Variants in ZNF512 observed in about 807,000 individuals in gnomAD.
ZNF512 encodes zinc finger protein 512.
A neutral mutation model predicts 77.5 loss-of-function variants in ZNF512; 25 were observed. The observed-to-expected ratio is 0.32, with a 90% CI of 0.23 to 0.45. The LOEUF (loss-of-function observed/expected upper bound fraction) is 0.45, where lower values mean the gene tolerates loss of function less well. Ranked by LOEUF, ZNF512 falls within the 20% of genes least tolerant of loss-of-function variation. ZNF512 has a pLI of 1.00. For missense variants in ZNF512, 483 were observed against 692.6 expected (o/e 0.70, Z 3.40); for synonymous variants, 246 against 239.9 (o/e 1.03, Z -0.24).
Position 27,598,056 on chromosome 2 carries a change from T to C in ZNF512, c.90-11T>C. ...CCTTCCTTTGTGGTATATATTTTTA[T>C]GTTGTATTAGTAGCAGGACCCAGTG... is the stretch of plus-strand genomic sequence containing the variant. On this transcript the variant is annotated splice_polypyrimidine_tract_variant and intron_variant, in intron 2 of 13. Coordinates refer to ENST00000355467, the MANE Select transcript of ZNF512 (RefSeq NM_032434.4). 6.6e-7 allele frequency: 1 copy of C among 1,513,648 alleles called. No homozygotes were observed. Among genetic ancestry groups the C allele is most frequent in the South Asian group, 1.4e-5 (1 of 73,274 alleles). 93.8% of individuals were successfully genotyped at this position (1,513,648 alleles called of 1,614,324 possible).
At chr2:27,617,352 T>C (rs1572937264) in intron 12 of ZNF512, 121 bp from the exon 13 acceptor site, 3 of 637,602 alleles carry the variant, frequency 4.7e-6, no homozygotes, top group East Asian at 2.7e-5. Flanking sequence ...ATTGGATCTT[T>C]TTCCTTCTTA....
chr2:27,605,183 A>G (rs1054450741), intron 9 of ZNF512, among the ~76,000 whole-genome samples: 9 of 151,946 alleles, frequency 5.9e-5, no homozygotes, highest in Non-Finnish European at 7.4e-5. Context: ...GCTGGGCACA[A>G]TGACTCATGC....
At position 27,602,577 on chromosome 2, in the gene ZNF512, C is replaced by T; in HGVS notation, c.768+16C>T. 6.3e-7 allele frequency: 1 copy of T among 1,594,688 alleles called. No homozygotes were observed. Among genetic ancestry groups the T allele is most frequent in the Non-Finnish European group, 8.5e-7 (1 of 1,172,694 alleles). On this transcript the variant is annotated intron_variant, in intron 8 of 13. Transcript: ENST00000355467. Reference sequence around the variant, plus strand: ...CATGCGTGAGGTAAGGGCCCAAGGACAGCAATTCCTTCTGCCTGAATTCTC... The same window carrying T: ...CATGCGTGAGGTAAGGGCCCAAGGATAGCAATTCCTTCTGCCTGAATTCTC...
At chr2:27,588,006 A>G (rs1671415577) in intron 2 of ZNF512, among the ~76,000 whole-genome samples, 3 of 151,826 alleles carry the variant, frequency 2.0e-5, no homozygotes, top group Admixed American at 2.0e-4. Flanking sequence ...CTTATTGGCC[A>G]TTTGTGTGTC....
intron 2 of ZNF512, among the ~76,000 whole-genome samples, chr2:27,590,375 C>T (rs1020608933): frequency 1.1e-4 from 16 of 152,042 alleles, no homozygotes; most frequent in African/African-American, 3.6e-4. Context: ...GTCATTCCAG[C>T]CTTATGTTTG....
chr2:27,615,097 G>T, intron 10 of ZNF512, 71 bp from the exon 11 acceptor site: 1 of 850,040 alleles, frequency 1.2e-6, no homozygotes, highest in Non-Finnish European at 1.9e-6. Flanking sequence ...AAAGAGTTGG[G>T]TGTGAAACTT....
chr2:27,592,600 C>A (rs898134923), intron 2 of ZNF512, among the ~76,000 whole-genome samples: 4 of 151,334 alleles, frequency 2.6e-5, no homozygotes, highest in Non-Finnish European at 5.9e-5. Flanking sequence ...CAGGTGTGAG[C>A]CACCATGCCT....
chr2:27,587,540 G>A (rs541163608), intron 2 of ZNF512, among the ~76,000 whole-genome samples: 14 of 151,794 alleles, frequency 9.2e-5, no homozygotes, highest in Non-Finnish European at 1.8e-4. Context: ...GCCTCCCAAA[G>A]TGCTGGGATT....
intron 2 of ZNF512, among the ~76,000 whole-genome samples, chr2:27,591,865 T>G (rs7587016): frequency 0.085 from 12,911 of 152,308 alleles, 1,868 homozygotes; most frequent in African/African-American, 0.3. Context: ...TACTGCCTTG[T>G]GGCATTCTTG....
At chr2:27,593,247 A>G (rs80267941) in intron 2 of ZNF512, among the ~76,000 whole-genome samples, 5 of 137,342 alleles carry the variant, frequency 3.6e-5, no homozygotes, top group Admixed American at 7.1e-5. Context: ...CACACACACA[A>G]AAGAATGAGC....
intron 10 of ZNF512, among the ~76,000 whole-genome samples, chr2:27,610,570 T>TATA (rs1558474909): frequency 3.5e-4 from 5 of 14,422 alleles, no homozygotes; most frequent in African/African-American, 7.6e-4. Flanking sequence ...ATATATATAT[T>TATA]TTTTTTTTTT....
chr2:27,586,876 A>G (rs1671353281), intron 2 of ZNF512, among the ~76,000 whole-genome samples: 1 of 152,040 alleles, frequency 6.6e-6, no homozygotes, highest in African/African-American at 2.4e-5. Context: ...GATTTCTTTC[A>G]CTCAGAATAA....
chr2:27,622,624 G>C lies in ZNF512; in HGVS notation c.*1163G>C, dbSNP rs1209242029. Reference sequence around the variant, plus strand: ...TTTAATGGGTTATTTCTCTTTGAGGGTGGCTTTCTCTGGAACATTGGTTAG... The same window carrying C: ...TTTAATGGGTTATTTCTCTTTGAGGCTGGCTTTCTCTGGAACATTGGTTAG... On this transcript the variant is annotated 3_prime_UTR_variant, in exon 14 of 14. Coordinates refer to ENST00000355467, the MANE Select transcript of ZNF512 (RefSeq NM_032434.4). 1.3e-5 allele frequency: 2 copies of C among 152,722 alleles called. No individual in the cohort carries two copies. Among genetic ancestry groups the C allele is most frequent in the Non-Finnish European group, 2.9e-5 (2 of 68,046 alleles). The allele number at this position is 152,722 out of a possible 1,614,324, so 9.5% of individuals were successfully genotyped here. A position where few individuals can be genotyped will look rare whatever the true frequency, so the allele number is the denominator to read the frequency against.
chr2:27,616,337 T>C lies in ZNF512; in HGVS notation c.1296+13T>C, dbSNP rs1259641258. On this transcript the variant is annotated intron_variant, in intron 12 of 13. Coordinates refer to ENST00000355467, the MANE Select transcript of ZNF512 (RefSeq NM_032434.4). The stretch of plus-strand genomic sequence containing the variant: ...CTCTTGTACATTGGTTTGTAACTTT[T>C]TAAACTTACTATCTTAACATGTCCT... 1.9e-6 allele frequency: 3 copies of C among 1,605,530 alleles called. No homozygotes were observed. In the Admixed American group the frequency reaches 5.0e-5, roughly 27 times the overall value.
intron 2 of ZNF512, among the ~76,000 whole-genome samples, chr2:27,584,453 G>A (rs1303345296): frequency 6.6e-6 from 1 of 152,224 alleles, no homozygotes; most frequent in Non-Finnish European, 1.5e-5. Flanking sequence ...ATTCATTCAG[G>A]TGACATTTAC....
chr2:27,586,979 A>G (rs1024814087), intron 2 of ZNF512, among the ~76,000 whole-genome samples: 1 of 152,090 alleles, frequency 6.6e-6, no homozygotes, highest in African/African-American at 2.4e-5. Context: ...TTGACATTTG[A>G]GTTATTTTCA....
rs7604048 is a variant in ZNF512, at chr2:27,588,257, G to A, written c.89+4541G>A. On this transcript the variant is annotated intron_variant, in intron 2 of 13. Coordinates refer to ENST00000355467, the MANE Select transcript of ZNF512 (RefSeq NM_032434.4). ...TATTTAAGAAACCTTTGCCTCCCTG[G>A]AGGTCGTAGCGAGTCAAGGTGGTGC... 6.1e-3 allele frequency among the ~76,000 whole-genome samples: 927 copies of A among 151,876 alleles called. 8 individuals carry two copies. Among genetic ancestry groups the A allele is most frequent in the African/African-American group, 0.021 (884 of 41,440 alleles).
At chr2:27,619,577 T>G (rs1673035439) in intron 13 of ZNF512, among the ~76,000 whole-genome samples, 1 of 152,110 alleles carries the variant, frequency 6.6e-6, no homozygotes, top group African/African-American at 2.4e-5. Context: ...ATTTTGTGGG[T>G]GGTAAAACAT....
chr2:27,607,236 T>G (rs1207301016), intron 9 of ZNF512, among the ~76,000 whole-genome samples: 1 of 152,196 alleles, frequency 6.6e-6, no homozygotes, highest in African/African-American at 2.4e-5. Context: ...CCTTGCTGTC[T>G]TCTAGAAGTT....
Sources: gnomAD v4.1 joint callset for allele counts (sites outside exome capture counted in the v4.1 genomes callset) on GRCh38, gnomAD v4.1.1 for gene constraint, MANE v1.5 for transcripts, NCBI Gene and HGNC (gene_info 2026-07-23, HGNC 2026-07-21) for gene names.